Variants in USP54 observed in about 807,000 individuals in gnomAD.
USP54 encodes ubiquitin specific peptidase 54, also known as ubiquitin carboxyl-terminal hydrolase 54.
A neutral mutation model predicts 170.5 loss-of-function variants in USP54; 87 were observed. That is an observed-to-expected ratio of 0.51 (90% CI 0.43 to 0.61). The LOEUF (loss-of-function observed/expected upper bound fraction) is 0.61. USP54 is among the 20% of genes least tolerant of loss of function. The pLI is 0.00. For synonymous variants in USP54, 655 were observed against 742.8 expected (o/e 0.88, Z 1.92); for missense variants, 1,786 against 2,047.8 (o/e 0.87, Z 2.47).
intron 4 of USP54, among the ~76,000 whole-genome samples, chr10:73,555,484 A>C (rs146974087): frequency 1.5e-3 from 236 of 152,360 alleles, no homozygotes; most frequent in African/African-American, 5.4e-3. Context: ...AATAGAGGCA[A>C]CTCACATATG....
intron 1 of USP54, among the ~76,000 whole-genome samples, chr10:73,596,549 A>C (rs1045114484): frequency 1.3e-5 from 2 of 148,518 alleles, no homozygotes; most frequent in African/African-American, 5.0e-5. Flanking sequence ...ACAGAGTGAG[A>C]CTCTGTCTCA....
At chr10:73,590,340 C>T (rs2078095746) in intron 1 of USP54, among the ~76,000 whole-genome samples, 1 of 152,084 alleles carries the variant, frequency 6.6e-6, no homozygotes, top group Admixed American at 6.6e-5. Context: ...TGAATAAGTG[C>T]CTCAACTGAA....
chr10:73,560,501 A>C (rs1464471319), intron 4 of USP54, among the ~76,000 whole-genome samples: 5 of 144,860 alleles, frequency 3.5e-5, no homozygotes, highest in African/African-American at 5.0e-5. Context: ...TAAAAATACA[A>C]AAAAAAAAAA....
chr10:73,505,083 G>A, intron 21 of USP54, 93 bp from the exon 22 acceptor site: 1 of 1,556,756 alleles, frequency 6.4e-7, no homozygotes, highest in Non-Finnish European at 8.8e-7. Flanking sequence ...AAAGAGTAGG[G>A]GAAGACTCAG....
At position 73,523,766 on chromosome 10, in the gene USP54, G is replaced by A; in HGVS notation, c.2195-16C>T. The stretch of plus-strand genomic sequence containing the variant: ...ATCTCCTCACCTGTAATATAAGCAA[G>A]GGAGAAGTCACCACATTTCCATTAC... On this transcript the variant is annotated splice_polypyrimidine_tract_variant and intron_variant, in intron 16 of 23. Transcript: ENST00000687698. The A allele has an allele frequency of 1.2e-6, 2 of 1,600,324 alleles. No homozygotes were observed. Among genetic ancestry groups the A allele is most frequent in the South Asian group, 2.2e-5 (2 of 88,898 alleles).
chr10:73,533,517 A>G (rs2064500380), intron 12 of USP54, among the ~76,000 whole-genome samples: 1 of 151,662 alleles, frequency 6.6e-6, no homozygotes, highest in Admixed American at 6.6e-5. Context: ...ACACTATTCT[A>G]TACAGTTTTG....
intron 1 of USP54, among the ~76,000 whole-genome samples, chr10:73,601,839 T>C (rs1482134872): frequency 1.3e-5 from 2 of 152,192 alleles, no homozygotes; most frequent in Non-Finnish European, 2.9e-5. Flanking sequence ...CAGGTGGCAG[T>C]GGCAACAGCT....
At position 73,505,364 on chromosome 10, in the gene USP54, A is replaced by C. The variant is rs759716750; in HGVS notation, c.4114T>G (p.Ser1372Ala). 6.2e-7 allele frequency: 1 copy of C among 1,614,086 alleles called. No individual in the cohort carries two copies. The highest frequency in any genetic ancestry group is 8.5e-7 in the Non-Finnish European group (1 of 1,180,012). The change falls in exon 21 of 24, where the codon TCA becomes GCA. Residue 1372 changes from serine to alanine, a missense_variant. Physicochemically the swap from Ser to Ala is moderately conservative, Grantham distance 99. Around this residue, in one of 3 missense-constraint regions of USP54, gnomAD observed 1,418 missense variants for 1,569.0 expected, o/e 0.90. Transcript: ENST00000687698. ...SAHDPGLSKT[S>A]TAEMEHGLHE... ...AGACCATGCTCCATTTCTGCTGTTG[A>C]AGTCTTTGAGAGACCAGGATCATGG...
intron 12 of USP54, 82 bp downstream of exon 12, chr10:73,534,518 C>T: frequency 6.6e-7 from 1 of 1,513,742 alleles, no homozygotes; most frequent in Non-Finnish European, 8.9e-7. Flanking sequence ...AGCCACTGCG[C>T]CTGGCCTCAC....
intron 4 of USP54, among the ~76,000 whole-genome samples, chr10:73,552,890 T>C (rs1464123430): frequency 6.6e-6 from 1 of 152,200 alleles, no homozygotes; most frequent in African/African-American, 2.4e-5. Context: ...TTATTGTATT[T>C]GGGAGTCATT....
rs1325259299 is a variant in USP54, at chr10:73,523,746, C to T, written c.2199G>A (p.Glu733=). Residue 733 remains glutamate (E), a synonymous_variant, in exon 17 of 24, where the codon GAG becomes GAA. Transcript: ENST00000687698. ...CCAGTTCACTTTTAGAAGATATCTC[C>T]TCACCTGTAATATAAGCAAGGGAGA... The part of the protein sequence containing the change: ...GWTKSQPFSG[E]EISSKSELDE... 2 of 1,612,226 alleles carry T rather than the reference C, an allele frequency of 1.2e-6. No homozygotes were observed. The highest frequency in any genetic ancestry group is 1.7e-6 in the Non-Finnish European group (2 of 1,178,790).
chr10:73,611,534 T>C (rs2080141348), intron 1 of USP54: 1 of 151,014 alleles, frequency 6.6e-6, no homozygotes, highest in Non-Finnish European at 1.5e-5. Context: ...CTCACACCTG[T>C]AATCCCAGCA....
intron 20 of USP54, among the ~76,000 whole-genome samples, chr10:73,511,352 T>A (rs2060174620): frequency 6.6e-6 from 1 of 151,828 alleles, no homozygotes; most frequent in African/African-American, 2.4e-5. Context: ...TTTTTTTTTT[T>A]AGCATTTTTT....
intron 1 of USP54, among the ~76,000 whole-genome samples, chr10:73,596,663 G>A (rs1430271805): frequency 7.1e-6 from 1 of 139,940 alleles, no homozygotes; most frequent in Non-Finnish European, 1.5e-5. Context: ...AGGTTGCAGT[G>A]AGCTGAGATC....
chr10:73,603,957 A>T (rs1354829153), intron 1 of USP54, among the ~76,000 whole-genome samples: 2 of 150,674 alleles, frequency 1.3e-5, no homozygotes, highest in Non-Finnish European at 3.0e-5. Flanking sequence ...GGCTACTATT[A>T]AAAAAAAAGG....
rs758374853 is a variant in USP54 at position 73,543,144 on chromosome 10, G to A, written c.376-13C>T. 15 of 1,575,010 alleles carry A rather than the reference G, an allele frequency of 9.5e-6. No individual in the cohort carries two copies. Among genetic ancestry groups the A allele is most frequent in the Middle Eastern group, 1.7e-4 (1 of 6,012 alleles). On this transcript the variant is annotated splice_polypyrimidine_tract_variant and intron_variant, in intron 5 of 23. Coordinates refer to ENST00000687698, the MANE Select transcript of USP54 (RefSeq NM_001391956.1). ...TCAGGAGGTTTTCCTGACAGGGAAA[G>A]AACAAAAGCAGTATACCAACAATAT...
At chr10:73,562,126 A>G (rs527507780) in intron 4 of USP54, among the ~76,000 whole-genome samples, 102 of 152,060 alleles carry the variant, frequency 6.7e-4, no homozygotes, top group South Asian at 6.2e-3. Context: ...GAGAGAGAGA[A>G]AAAAATTACA....
intron 11 of USP54, among the ~76,000 whole-genome samples, chr10:73,535,784 T>A (rs2065095806): frequency 6.6e-6 from 1 of 152,060 alleles, no homozygotes; most frequent in Non-Finnish European, 1.5e-5. Flanking sequence ...GCTCAAGTGA[T>A]CCTCCCACCT....
Position 73,520,903 on chromosome 10 carries a change from C to G in USP54, c.2482+5G>C. The G allele has an allele frequency of 6.2e-7, 1 of 1,614,152 alleles. No individual in the cohort carries two copies. The highest frequency in any genetic ancestry group is 8.5e-7 in the Non-Finnish European group (1 of 1,180,038). On this transcript the variant is annotated splice_donor_5th_base_variant and intron_variant, in intron 18 of 23. Transcript: ENST00000687698. The stretch of plus-strand genomic sequence containing the variant: ...GCCACAGCCATAGCAGTTAGAGTTA[C>G]TTACAGATAGCTTCATTACAGAGAG...
Sources: allele counts gnomAD v4.1 joint callset (sites outside exome capture counted in the v4.1 genomes callset), GRCh38; gene constraint gnomAD v4.1.1; regional missense constraint gnomAD v4.1.1; transcripts MANE v1.5; gene names NCBI Gene and HGNC (gene_info 2026-07-23, HGNC 2026-07-21).